NOTCH2NLC: variants seen among roughly 807,000 people sequenced by gnomAD.
The protein encoded by NOTCH2NLC is notch 2 N-terminal like C.
Under a neutral mutation model 17.7 loss-of-function variants are expected in NOTCH2NLC, and 4 were observed. The observed-to-expected ratio is 0.23, with a 90% CI of 0.11 to 0.52. NOTCH2NLC has a LOEUF of 0.52. NOTCH2NLC is among the 20% of genes least tolerant of loss of function. The pLI is 0.96. For synonymous variants in NOTCH2NLC, 18 were observed against 86.0 expected (o/e 0.21, Z 4.38); for missense variants, 57 against 207.2 (o/e 0.28, Z 4.45).
chr1:149,399,076 T>C (rs1487331271), intron 1 of NOTCH2NLC, among the ~76,000 whole-genome samples: 4 of 150,780 alleles, frequency 2.7e-5, no homozygotes, highest in African/African-American at 9.7e-5. Flanking sequence ...AAATATGTTG[T>C]CTTTTTAACA....
At chr1:149,400,066 C>A (rs1312989023) in intron 1 of NOTCH2NLC, among the ~76,000 whole-genome samples, 4 of 145,072 alleles carry the variant, frequency 2.8e-5, no homozygotes, top group African/African-American at 1.0e-4. Flanking sequence ...TTTTGGTATA[C>A]GTCTTTGGTT....
At chr1:149,446,540 G>C (rs1423233762) in intron 2 of NOTCH2NLC, among the ~76,000 whole-genome samples, 1 of 150,474 alleles carries the variant, frequency 6.6e-6, no homozygotes, top group Admixed American at 6.6e-5. Flanking sequence ...TGTTGCCCGT[G>C]TTGCCTAGGC....
rs1265609037 is a variant in NOTCH2NLC, at chr1:149,398,278, G to A, written c.135+7356G>A. Reference sequence around the variant, plus strand: ...GACAAAAACCCCTTTGTCTGGTGAGGGTGTAAATATAAATTTGGCACATGT... The same window carrying A: ...GACAAAAACCCCTTTGTCTGGTGAGAGTGTAAATATAAATTTGGCACATGT... On this transcript the variant is annotated intron_variant, in intron 1 of 4. Coordinates refer to ENST00000650865, the MANE Select transcript of NOTCH2NLC (RefSeq NM_001364013.2). Among the ~76,000 whole-genome samples the A allele has an allele frequency of 1.7e-3, 254 of 150,138 alleles. 7 individuals are homozygous for A. The highest frequency in any genetic ancestry group is 6.1e-3 in the African/African-American group (250 of 40,702).
chr1:149,433,809 G>A (rs1423349849), intron 2 of NOTCH2NLC, among the ~76,000 whole-genome samples: 1,738 of 150,900 alleles, frequency 0.012, 43 homozygotes, highest in Non-Finnish European at 0.018. Flanking sequence ...TTAGCTGGGC[G>A]TGGTGGCACG....
chr1:149,460,397 G>A (rs1317849612), intron 3 of NOTCH2NLC, among the ~76,000 whole-genome samples: 2 of 142,224 alleles, frequency 1.4e-5, no homozygotes, highest in East Asian at 4.1e-4. Flanking sequence ...TGGAGTGCAG[G>A]GCGCAATCTC....
chr1:149,459,847 ACC>A (rs1404097764), intron 3 of NOTCH2NLC, among the ~76,000 whole-genome samples: 2 of 145,368 alleles, frequency 1.4e-5, no homozygotes, highest in Admixed American at 6.9e-5. Context: ...CAAAAGCAGA[ACC>A]CCTGAGAAAC....
At chr1:149,460,878 T>C (rs1260329685) in intron 3 of NOTCH2NLC, among the ~76,000 whole-genome samples, 2 of 120,088 alleles carry the variant, frequency 1.7e-5, no homozygotes, top group Non-Finnish European at 3.8e-5. Flanking sequence ...TTTCTTTCTT[T>C]CTTTCTTTCT....
At chr1:149,460,907 C>A (rs2084645153) in intron 3 of NOTCH2NLC, among the ~76,000 whole-genome samples, 1 of 118,686 alleles carries the variant, frequency 8.4e-6, no homozygotes, top group East Asian at 2.4e-4. Context: ...TTCTTTCTTT[C>A]TTTCTTTCTC....
chr1:149,417,035 A>G (rs2084339414), intron 1 of NOTCH2NLC, among the ~76,000 whole-genome samples: 3 of 144,642 alleles, frequency 2.1e-5, no homozygotes, highest in Non-Finnish European at 4.6e-5. Flanking sequence ...CCTACCTGAG[A>G]ATGTTGTAGT....
At chr1:149,412,158 T>C (rs1360270619) in intron 1 of NOTCH2NLC, among the ~76,000 whole-genome samples, 1 of 149,010 alleles carries the variant, frequency 6.7e-6, no homozygotes, top group Non-Finnish European at 1.5e-5. Context: ...AAAGTGGTAT[T>C]GGGCCTGTCT....
At chr1:149,410,420 C>A (rs1453304623) in intron 1 of NOTCH2NLC, among the ~76,000 whole-genome samples, 3 of 146,472 alleles carry the variant, frequency 2.0e-5, no homozygotes, top group Admixed American at 2.0e-4. Context: ...GATTAAGGTA[C>A]CTTTTGGGAA....
rs1480266225 is a variant in NOTCH2NLC, at chr1:149,468,879, A to G, written c.*4726A>G. 3.0e-5 allele frequency among the ~76,000 whole-genome samples: 4 copies of G among 134,078 alleles called. No homozygotes were observed. Among genetic ancestry groups the G allele is most frequent in the Admixed American group, 1.5e-4 (2 of 13,026 alleles). 88.0% of individuals were successfully genotyped at this position (134,078 alleles called of 152,430 possible). A position where few individuals can be genotyped will look rare whatever the true frequency, so the allele number is the denominator to read the frequency against. On this transcript the variant is annotated 3_prime_UTR_variant, in exon 5 of 5. Transcript: ENST00000650865. ...GAGAATGGAAGGTGTGTGCCAAGAA[A>G]ACTGGTTGGATAGGGATAGGTCAGG...
At chr1:149,433,948 CAA>C (rs1167291606) in intron 2 of NOTCH2NLC, among the ~76,000 whole-genome samples, 50 of 105,060 alleles carry the variant, frequency 4.8e-4, no homozygotes, top group Non-Finnish European at 5.3e-4. Context: ...ACTGTGTCTC[CAA>C]AAAAAAAAAA....
At chr1:149,417,127 T>TG (rs2084340338) in intron 1 of NOTCH2NLC, among the ~76,000 whole-genome samples, 4 of 130,348 alleles carry the variant, frequency 3.1e-5, no homozygotes, top group Non-Finnish European at 4.9e-5. Context: ...TTTTTTTTTT[T>TG]GAGACAGAGT....
At chr1:149,394,717 A>C (rs1188284933) in intron 1 of NOTCH2NLC, among the ~76,000 whole-genome samples, 1 of 150,060 alleles carries the variant, frequency 6.7e-6, no homozygotes, top group Non-Finnish European at 1.5e-5. Flanking sequence ...CCATAGTTAC[A>C]TGCTTCCTTT....
Position 149,419,046 on chromosome 1 carries a change from T to A in NOTCH2NLC, c.136-11896T>A, listed in dbSNP as rs1432186770. On this transcript the variant is annotated intron_variant, in intron 1 of 4. Transcript: ENST00000650865. ...TTTCCCTTCCTCTCTCTCCTTTCTT[T>A]TTTTCTTTCTTTTTTTTCTTTTCTT... is the stretch of plus-strand genomic sequence containing the variant. Among the ~76,000 whole-genome samples the A allele has an allele frequency of 2.0e-5, 3 of 150,262 alleles. 1 individual carries two copies. The highest frequency in any genetic ancestry group is 7.3e-5 in the African/African-American group (3 of 40,938).
chr1:149,409,408 T>G (rs1176716020), intron 1 of NOTCH2NLC, among the ~76,000 whole-genome samples: 3 of 150,070 alleles, frequency 2.0e-5, no homozygotes, highest in Non-Finnish European at 4.5e-5. Context: ...ATAATAGTGC[T>G]TAATCTCAGT....
chr1:149,419,863 T>A lies in NOTCH2NLC; in HGVS notation c.136-11079T>A, dbSNP rs1270653225. On this transcript the variant is annotated intron_variant, in intron 1 of 4. Coordinates refer to ENST00000650865, the MANE Select transcript of NOTCH2NLC (RefSeq NM_001364013.2). ...GGAATATATATATATATATTTTTTTTTTTTTTTTTTTTTTTTTTCCTCAGG... is the reference window on the plus strand; with the variant it reads ...GGAATATATATATATATATTTTTTTATTTTTTTTTTTTTTTTTTCCTCAGG... Among the ~76,000 whole-genome samples, 29 of 117,606 alleles carry A rather than the reference T, an allele frequency of 2.5e-4. No homozygotes were observed. In the East Asian group the frequency reaches 3.0e-3, roughly 12 times the overall value. 77.2% of individuals were successfully genotyped at this position (117,606 alleles called of 152,430 possible). A position where few individuals can be genotyped will look rare whatever the true frequency, so the allele number is the denominator to read the frequency against.
intron 2 of NOTCH2NLC, among the ~76,000 whole-genome samples, chr1:149,431,570 A>G (rs1336729236): frequency 8.8e-5 from 12 of 136,912 alleles, no homozygotes; most frequent in African/African-American, 2.8e-4. Flanking sequence ...AATAAAAAAA[A>G]ATAAAAAAAT....
Sources: allele counts gnomAD v4.1 joint callset (sites outside exome capture counted in the v4.1 genomes callset), GRCh38; gene constraint gnomAD v4.1.1; transcripts MANE v1.5; gene names NCBI Gene and HGNC (gene_info 2026-07-23, HGNC 2026-07-21).